The following CDC14A variants were observed in gnomAD, a reference collection of about 807,000 sequenced individuals.
CDC14A encodes cell division cycle 14A, also known as dual specificity protein phosphatase CDC14A.
In CDC14A, 53 loss-of-function variants were observed where a neutral mutation model predicts 74.4. The ratio of observed to expected loss-of-function variants is 0.71; its 90% CI spans 0.57 to 0.89. The LOEUF is 0.89. CDC14A is among the 40% of genes least tolerant of loss of function. The pLI, the probability that CDC14A is intolerant of heterozygous loss-of-function variation, is 0.00. For synonymous variants in CDC14A, 247 were observed against 258.4 expected (o/e 0.96, Z 0.43); for missense variants, 646 against 713.7 (o/e 0.91, Z 1.08).
At chr1:100,497,964 T>C (rs1648116766) in intron 13 of CDC14A, 121 bp from the exon 14 acceptor site, 2 of 1,018,174 alleles carry the variant, frequency 2.0e-6, no homozygotes, top group African/African-American at 1.6e-5. Context: ...GCTGCTGTCA[T>C]CACTATTAGG....
chr1:100,509,263 T>C (rs1478191395), intron 15 of CDC14A, among the ~76,000 whole-genome samples: 1 of 152,194 alleles, frequency 6.6e-6, no homozygotes, highest in African/African-American at 2.4e-5. Flanking sequence ...CACCAGACCA[T>C]AGCAATCATG....
At chr1:100,430,564 G>T (rs1413226811) in intron 5 of CDC14A, among the ~76,000 whole-genome samples, 1 of 152,156 alleles carries the variant, frequency 6.6e-6, no homozygotes, top group African/African-American at 2.4e-5. Flanking sequence ...ACCACTGTAG[G>T]TCTTTAAACA....
At chr1:100,402,077 T>C (rs1226131536) in intron 4 of CDC14A, among the ~76,000 whole-genome samples, 1 of 150,888 alleles carries the variant, frequency 6.6e-6, no homozygotes, top group East Asian at 1.9e-4. Context: ...GAAAGAGGAA[T>C]ACTAGAAAAT....
intron 4 of CDC14A, among the ~76,000 whole-genome samples, chr1:100,415,133 T>C (rs928408128): frequency 1.3e-5 from 2 of 152,170 alleles, no homozygotes; most frequent in Non-Finnish European, 2.9e-5. Context: ...GTAATCAAAT[T>C]AGATGGGAAG....
rs1650571548 is a variant in CDC14A, at chr1:100,520,233, A to G, written c.*1953A>G. 6.6e-6 allele frequency: 1 copy of G among 152,580 alleles called. No homozygotes were observed. The highest frequency in any genetic ancestry group is 6.5e-5 in the Admixed American group (1 of 15,272). 9.5% of individuals were successfully genotyped at this position (152,580 alleles called of 1,614,324 possible). The stretch of plus-strand genomic sequence containing the variant: ...GATATTTTGCTCTATTTTAAAGTGT[A>G]GAAGAATACACTGCTAATAAATAAT... On this transcript the variant is annotated 3_prime_UTR_variant, in exon 16 of 16. Transcript: ENST00000336454.
intron 10 of CDC14A, among the ~76,000 whole-genome samples, chr1:100,478,009 A>G (rs1226267011): frequency 6.6e-6 from 1 of 152,164 alleles, no homozygotes; most frequent in Non-Finnish European, 1.5e-5. Context: ...TGATGAATTT[A>G]CTTATTGGCT....
intron 2 of CDC14A, among the ~76,000 whole-genome samples, chr1:100,363,537 T>G (rs552210372): frequency 1.8e-4 from 28 of 152,328 alleles, no homozygotes; most frequent in African/African-American, 6.7e-4. Flanking sequence ...ATTTCCTTTA[T>G]TGTTAATTTA....
At chr1:100,345,672 T>C (rs1475393983) in intron 1 of CDC14A, among the ~76,000 whole-genome samples, 1 of 152,188 alleles carries the variant, frequency 6.6e-6, no homozygotes. Flanking sequence ...TCCAAATACA[T>C]ACTGAGCATG....
intron 4 of CDC14A, among the ~76,000 whole-genome samples, chr1:100,410,202 A>C (rs947115949): frequency 6.6e-6 from 1 of 150,636 alleles, no homozygotes; most frequent in African/African-American, 2.4e-5. Context: ...ACTGAGTAAG[A>C]CTCTGGCTAA....
intron 11 of CDC14A, among the ~76,000 whole-genome samples, chr1:100,488,283 A>C (rs1016192209): frequency 6.6e-6 from 1 of 152,222 alleles, no homozygotes; most frequent in Non-Finnish European, 1.5e-5. Flanking sequence ...TACAGTAGCC[A>C]TATGAAATAG....
At chr1:100,384,278 G>T (rs1414108494) in intron 3 of CDC14A, among the ~76,000 whole-genome samples, 3 of 151,976 alleles carry the variant, frequency 2.0e-5, no homozygotes, top group African/African-American at 7.3e-5. Flanking sequence ...ACATAACAGG[G>T]GCAAAACTTT....
Position 100,485,315 on chromosome 1 carries a change from C to T in CDC14A, c.1137+864C>T, listed in dbSNP as rs1044802343. ...ATTCCTAGTTTAGGTCTTTCTACCA[C>T]GTTATACCTGAGGTGAAGCTAAGTA... On this transcript the variant is annotated intron_variant, in intron 11 of 15. Transcript: ENST00000336454. 1.3e-5 allele frequency: 13 copies of T among 984,372 alleles called. No homozygotes were observed. The South Asian group carries it at 2.4e-4, about 18-fold the overall frequency. 61.0% of individuals were successfully genotyped at this position (984,372 alleles called of 1,614,324 possible).
intron 2 of CDC14A, among the ~76,000 whole-genome samples, chr1:100,371,856 G>A (rs535098846): frequency 6.6e-6 from 1 of 152,280 alleles, no homozygotes; most frequent in South Asian, 2.1e-4. Flanking sequence ...TTAGTCAAAA[G>A]TGTTGCTTCC....
chr1:100,449,827 G>T (rs1571220671), intron 7 of CDC14A, among the ~76,000 whole-genome samples: 1 of 152,274 alleles, frequency 6.6e-6, no homozygotes, highest in African/African-American at 2.4e-5. Context: ...CTAAAAACAG[G>T]AGTATAGCAC....
At chr1:100,450,256 C>T (rs1396616617) in intron 7 of CDC14A, among the ~76,000 whole-genome samples, 7 of 152,216 alleles carry the variant, frequency 4.6e-5, no homozygotes, top group Admixed American at 3.3e-4. Context: ...TCCTGTCTCT[C>T]AGCAAGTCAC....
intron 1 of CDC14A, among the ~76,000 whole-genome samples, chr1:100,346,116 A>G (rs1307893004): frequency 6.6e-6 from 1 of 152,176 alleles, no homozygotes; most frequent in Non-Finnish European, 1.5e-5. Context: ...GGTTGCAGTG[A>G]GCTGAGATTG....
intron 10 of CDC14A, among the ~76,000 whole-genome samples, chr1:100,477,340 C>T (rs1668999770): frequency 6.6e-6 from 1 of 151,836 alleles, no homozygotes; most frequent in Admixed American, 6.6e-5. Context: ...TTCTCTTATT[C>T]ATCATACTTT....
At chr1:100,463,981 G>A (rs1391483035) in intron 9 of CDC14A, among the ~76,000 whole-genome samples, 7 of 152,104 alleles carry the variant, frequency 4.6e-5, no homozygotes, top group Admixed American at 4.6e-4. Context: ...GTGTTGGGGA[G>A]GGTGCTGTTC....
At chr1:100,494,683 C>T (rs1226585251) in intron 11 of CDC14A, 135 bp from the exon 12 acceptor site, 8 of 543,626 alleles carry the variant, frequency 1.5e-5, no homozygotes, top group Non-Finnish European at 2.3e-5. Context: ...TTTGACAATG[C>T]TGATTCACAG....
Sources: allele counts gnomAD v4.1 joint callset (sites outside exome capture counted in the v4.1 genomes callset), GRCh38; gene constraint gnomAD v4.1.1; transcripts MANE v1.5; gene names NCBI Gene and HGNC (gene_info 2026-07-23, HGNC 2026-07-21).